Variants in XRCC4 observed in about 807,000 individuals in gnomAD.
XRCC4 encodes X-ray repair cross complementing 4.
Under a neutral mutation model 39.1 loss-of-function variants are expected in XRCC4, and 28 were observed. That is an observed-to-expected ratio of 0.72 (90% confidence interval 0.53 to 0.98). The LOEUF (loss-of-function observed/expected upper bound fraction) is 0.98. XRCC4 is among the 50% of genes least tolerant of loss of function. The pLI is 0.00. For missense variants in XRCC4, 350 were observed against 376.4 expected, an observed-to-expected ratio of 0.93 and a Z score of 0.58; for synonymous variants, 123 against 126.4, an observed-to-expected ratio of 0.97 and a Z score of 0.18.
chr5:83,141,029 T>C (rs574141403), intron 3 of XRCC4, among the ~76,000 whole-genome samples: 5 of 152,340 alleles, frequency 3.3e-5, no homozygotes, highest in Non-Finnish European at 7.3e-5. Context: ...CACATTTTCT[T>C]ATATTCTTTC....
At chr5:83,300,246 G>T (rs1056602270) in intron 7 of XRCC4, among the ~76,000 whole-genome samples, 1 of 151,962 alleles carries the variant, frequency 6.6e-6, no homozygotes, top group African/African-American at 2.4e-5. Context: ...CCTAGGCTTT[G>T]TCTCTCCCTG....
intron 1 of XRCC4, among the ~76,000 whole-genome samples, chr5:83,095,413 A>G (rs986865689): frequency 6.6e-6 from 1 of 152,168 alleles, no homozygotes; most frequent in African/African-American, 2.4e-5. Context: ...TGTTCAATAG[A>G]AATGCTTATT....
At chr5:83,314,553 A>G (rs1322378213) in intron 7 of XRCC4, among the ~76,000 whole-genome samples, 1 of 152,148 alleles carries the variant, frequency 6.6e-6, no homozygotes, top group Non-Finnish European at 1.5e-5. Flanking sequence ...TTATAAATTG[A>G]ACATCTCCGG....
intron 6 of XRCC4, among the ~76,000 whole-genome samples, chr5:83,207,087 A>G (rs1751450551): frequency 6.6e-6 from 1 of 152,144 alleles, no homozygotes; most frequent in Non-Finnish European, 1.5e-5. Context: ...AAATGAAATT[A>G]TTATTTAATA....
intron 6 of XRCC4, among the ~76,000 whole-genome samples, chr5:83,219,287 A>G (rs922423908): frequency 5.9e-5 from 9 of 152,094 alleles, no homozygotes; most frequent in African/African-American, 2.2e-4. Flanking sequence ...AGACTGCAAA[A>G]TATCTTTTTT....
chr5:83,268,811 A>G (rs1219893302), intron 7 of XRCC4, among the ~76,000 whole-genome samples: 1 of 152,210 alleles, frequency 6.6e-6, no homozygotes, highest in Non-Finnish European at 1.5e-5. Context: ...GATGTTCTAG[A>G]AATTTCCCAA....
the XRCC4 span, among the ~76,000 whole-genome samples, chr5:83,369,671 G>A: frequency 1.3e-5 from 2 of 152,174 alleles, no homozygotes; most frequent in Non-Finnish European, 2.9e-5. Flanking sequence ...CTGGGTTGAT[G>A]CCATGTCTTT....
chr5:83,295,052 G>A (rs1449192383), intron 7 of XRCC4, among the ~76,000 whole-genome samples: 2 of 151,956 alleles, frequency 1.3e-5, no homozygotes, highest in Non-Finnish European at 1.5e-5. Context: ...TGCTAAATAA[G>A]GAAAAGAGTG....
chr5:83,280,135 C>G (rs1252126640), intron 7 of XRCC4: 3 of 224,792 alleles, frequency 1.3e-5, no homozygotes, highest in Non-Finnish European at 2.9e-5. Context: ...GGCTAAAACA[C>G]CAGTCTCCAA....
chr5:83,101,273 G>A (rs1745922156), intron 1 of XRCC4, among the ~76,000 whole-genome samples: 1 of 151,706 alleles, frequency 6.6e-6, no homozygotes, highest in Non-Finnish European at 1.5e-5. Context: ...TAGCTTCTAC[G>A]GTATAAGCAT....
chr5:83,366,063 C>T, the XRCC4 span, among the ~76,000 whole-genome samples: 2 of 152,314 alleles, frequency 1.3e-5, no homozygotes, highest in East Asian at 3.9e-4. Context: ...GAGAAGTATG[C>T]CATCTTCAAT....
intron 2 of XRCC4, among the ~76,000 whole-genome samples, chr5:83,108,602 T>C (rs1746306586): frequency 1.3e-5 from 2 of 151,884 alleles, no homozygotes; most frequent in Non-Finnish European, 3.0e-5. Flanking sequence ...CAGGTATCTT[T>C]TCATTTTAAT....
Position 83,255,561 on chromosome 5 carries a change from G to A in XRCC4, c.746-2969G>A, listed in dbSNP as rs911330633. 2.0e-5 allele frequency among the ~76,000 whole-genome samples: 3 copies of A among 152,164 alleles called. No individual in the cohort carries two copies. In the East Asian group the frequency reaches 5.8e-4, roughly 29 times the overall value. ...GTATAATAATGATAGTCACCAAGAA[G>A]TTTGAAGTATGAGAACATTAGACAC... On this transcript the variant is annotated intron_variant, in intron 6 of 7. Coordinates refer to ENST00000396027, the MANE Select transcript of XRCC4 (RefSeq NM_003401.5).
intron 7 of XRCC4, among the ~76,000 whole-genome samples, chr5:83,312,982 G>A (rs1241853066): frequency 6.6e-6 from 1 of 151,958 alleles, no homozygotes; most frequent in Admixed American, 6.6e-5. Flanking sequence ...ATGCTGAGTT[G>A]GCACTCAAAG....
intron 7 of XRCC4, among the ~76,000 whole-genome samples, chr5:83,274,407 A>G (rs1459243347): frequency 6.6e-6 from 1 of 152,234 alleles, no homozygotes; most frequent in Non-Finnish European, 1.5e-5. Context: ...TTTTGAAATC[A>G]TAAGCATCTT....
At chr5:83,363,359 T>A in the XRCC4 span, among the ~76,000 whole-genome samples, 2 of 152,092 alleles carry the variant, frequency 1.3e-5, no homozygotes, top group Non-Finnish European at 2.9e-5. Flanking sequence ...AGTCTTGAAT[T>A]TGGCAATAAG....
intron 7 of XRCC4, among the ~76,000 whole-genome samples, chr5:83,289,236 T>A (rs2112972540): frequency 6.6e-6 from 1 of 152,052 alleles, no homozygotes; most frequent in Non-Finnish European, 1.5e-5. Context: ...CCGTGTCTGA[T>A]GACTTGAACA....
At chr5:83,210,092 G>A (rs1420737422) in intron 6 of XRCC4, among the ~76,000 whole-genome samples, 1 of 152,140 alleles carries the variant, frequency 6.6e-6, no homozygotes, top group East Asian at 1.9e-4. Flanking sequence ...TACTGATATA[G>A]TAGCTTTTAA....
At chr5:83,312,082 A>C (rs927959955) in intron 7 of XRCC4, among the ~76,000 whole-genome samples, 2 of 152,134 alleles carry the variant, frequency 1.3e-5, no homozygotes. Context: ...GCCACACAGA[A>C]AGCTGAAGAA....
Sources: gnomAD v4.1 joint callset for allele counts (sites outside exome capture counted in the v4.1 genomes callset) on GRCh38, gnomAD v4.1.1 for gene constraint, MANE v1.5 for transcripts, NCBI Gene and HGNC (gene_info 2026-07-23, HGNC 2026-07-21) for gene names.